PTPRD: variants seen among roughly 807,000 people sequenced by gnomAD.
PTPRD encodes receptor-type tyrosine-protein phosphatase delta.
Under a neutral mutation model 214.5 loss-of-function variants are expected in PTPRD, and 34 were observed. That is an observed-to-expected ratio of 0.16 (90% CI 0.12 to 0.21). The LOEUF is 0.21. Among genes scored for constraint, PTPRD ranks in the 10% least tolerant of loss-of-function variants. The pLI is 1.00. For missense variants in PTPRD, 2,545 were observed against 2,398.7 expected (o/e 1.06, Z -1.27); for synonymous variants, 1,128 against 845.7 (o/e 1.33, Z -5.79).
At chr9:8,402,484 G>A (rs2092521386) in intron 36 of PTPRD, among the ~76,000 whole-genome samples, 1 of 152,162 alleles carries the variant, frequency 6.6e-6, no homozygotes, top group Non-Finnish European at 1.5e-5. Flanking sequence ...ATTCTTAGTG[G>A]AAACAATGCT....
intron 3 of PTPRD, among the ~76,000 whole-genome samples, chr9:10,138,148 A>T (rs973688745): frequency 6.6e-6 from 1 of 152,166 alleles, no homozygotes; most frequent in East Asian, 1.9e-4. Context: ...CTAGCTAGAT[A>T]AACAAAGAGA....
chr9:9,815,803 A>T (rs2153557997), intron 5 of PTPRD, among the ~76,000 whole-genome samples: 1 of 152,244 alleles, frequency 6.6e-6, no homozygotes, highest in Non-Finnish European at 1.5e-5. Context: ...TTATAAGACG[A>T]ATAAGTTCTG....
chr9:10,142,997 C>A (rs1017718701), intron 3 of PTPRD, among the ~76,000 whole-genome samples: 2 of 151,710 alleles, frequency 1.3e-5, no homozygotes, highest in East Asian at 1.9e-4. Context: ...AAATTGAAAT[C>A]ATCATTCTCA....
At chr9:9,607,745 T>C (rs1313545656) in intron 7 of PTPRD, among the ~76,000 whole-genome samples, 4 of 140,768 alleles carry the variant, frequency 2.8e-5, no homozygotes, top group Admixed American at 2.2e-4. Context: ...AGACTGTTAG[T>C]AAAAAAAAAA....
At chr9:10,360,555 G>A (rs2097360341) in intron 2 of PTPRD, among the ~76,000 whole-genome samples, 1 of 152,214 alleles carries the variant, frequency 6.6e-6, no homozygotes, top group African/African-American at 2.4e-5. Flanking sequence ...GTGTGAGAAA[G>A]AAGTCACGAC....
chr9:9,416,490 T>C (rs1355785193), intron 8 of PTPRD, among the ~76,000 whole-genome samples: 1 of 152,166 alleles, frequency 6.6e-6, no homozygotes, highest in Non-Finnish European at 1.5e-5. Flanking sequence ...GAACAGAGCG[T>C]GCTCGGTGAA....
At chr9:8,964,564 C>T (rs1434917845) in intron 11 of PTPRD, among the ~76,000 whole-genome samples, 1 of 151,798 alleles carries the variant, frequency 6.6e-6, no homozygotes, top group African/African-American at 2.4e-5. Context: ...TTCAGTTTAG[C>T]TCAATTTTAG....
intron 7 of PTPRD, among the ~76,000 whole-genome samples, chr9:9,638,366 A>C (rs1432971684): frequency 6.6e-6 from 1 of 152,192 alleles, no homozygotes; most frequent in Non-Finnish European, 1.5e-5. Context: ...TGCCTTCCAC[A>C]AAGTCCTAGG....
chr9:8,317,504 C>G lies in PTPRD; in HGVS notation c.*370G>C, dbSNP rs990083213. 3.9e-6 allele frequency: 1 copy of G among 258,856 alleles called. No individual in the cohort carries two copies. The highest frequency in any genetic ancestry group is 2.2e-5 in the African/African-American group (1 of 46,426). 16.0% of individuals were successfully genotyped at this position (258,856 alleles called of 1,614,324 possible). On this transcript the variant is annotated 3_prime_UTR_variant, in exon 46 of 46. Transcript: ENST00000381196. ...TGTGAGAAGCCACACCAGCACATATCTTGTGCTGAACTGCAGCATTCTGGC... is the reference window on the plus strand; with the variant it reads ...TGTGAGAAGCCACACCAGCACATATGTTGTGCTGAACTGCAGCATTCTGGC...
intron 12 of PTPRD, among the ~76,000 whole-genome samples, chr9:8,674,004 G>C (rs896071777): frequency 6.6e-6 from 1 of 152,086 alleles, no homozygotes; most frequent in African/African-American, 2.4e-5. Flanking sequence ...TCCCCACCAG[G>C]TGGAGACCCA....
At chr9:8,617,172 G>A (rs1346456215) in intron 14 of PTPRD, among the ~76,000 whole-genome samples, 1 of 152,074 alleles carries the variant, frequency 6.6e-6, no homozygotes, top group Non-Finnish European at 1.5e-5. Context: ...TGGGTCAAGG[G>A]ATGTGAAGTA....
At chr9:9,107,614 G>T (rs1336792372) in intron 10 of PTPRD, among the ~76,000 whole-genome samples, 4 of 152,152 alleles carry the variant, frequency 2.6e-5, no homozygotes, top group African/African-American at 9.6e-5. Flanking sequence ...AAGGGAGGAA[G>T]TAGGTGAGAG....
intron 3 of PTPRD, among the ~76,000 whole-genome samples, chr9:10,251,727 G>C (rs935582260): frequency 6.6e-6 from 1 of 152,114 alleles, no homozygotes. Context: ...TATGGCCTTA[G>C]CAGTAGTCCA....
At chr9:9,162,049 G>C (rs1042108171) in intron 10 of PTPRD, among the ~76,000 whole-genome samples, 1 of 151,942 alleles carries the variant, frequency 6.6e-6, no homozygotes, top group South Asian at 2.1e-4. Flanking sequence ...AAACAACAAG[G>C]CCCAGCATTT....
intron 7 of PTPRD, among the ~76,000 whole-genome samples, chr9:9,584,521 CTT>C (rs922602226): frequency 2.0e-5 from 3 of 151,896 alleles, no homozygotes; most frequent in Non-Finnish European, 4.4e-5. Context: ...TTTGTACCTG[CTT>C]CTCTCTCCTG....
At chr9:9,227,523 C>G (rs2099960297) in intron 9 of PTPRD, among the ~76,000 whole-genome samples, 1 of 152,096 alleles carries the variant, frequency 6.6e-6, no homozygotes, top group South Asian at 2.1e-4. Context: ...TCTGACACTC[C>G]TCCCTATAAG....
chr9:9,949,643 C>G (rs1313190616), intron 4 of PTPRD, among the ~76,000 whole-genome samples: 3 of 152,128 alleles, frequency 2.0e-5, no homozygotes, highest in Non-Finnish European at 4.4e-5. Context: ...TAGGCATTTT[C>G]TGAATCTCTA....
intron 8 of PTPRD, among the ~76,000 whole-genome samples, chr9:9,549,422 A>T (rs1002612429): frequency 6.6e-6 from 1 of 152,106 alleles, no homozygotes; most frequent in Non-Finnish European, 1.5e-5. Context: ...CTCATAGAAA[A>T]GTGTTCAACA....
intron 39 of PTPRD, among the ~76,000 whole-genome samples, chr9:8,359,451 A>C (rs1202667443): frequency 6.8e-6 from 1 of 146,958 alleles, no homozygotes; most frequent in Non-Finnish European, 1.5e-5. Context: ...CAGGCTCCCG[A>C]GTAGCTGGAA....
Sources: gnomAD v4.1 joint callset for allele counts (sites outside exome capture counted in the v4.1 genomes callset) on GRCh38, gnomAD v4.1.1 for gene constraint, MANE v1.5 for transcripts, NCBI Gene and HGNC (gene_info 2026-07-23, HGNC 2026-07-21) for gene names.